The following SV2C variants were observed in gnomAD, a reference collection of about 807,000 sequenced individuals.
The protein encoded by SV2C is synaptic vesicle glycoprotein 2C, also known as solute carrier family 22 member B3.
Under a neutral mutation model 79.7 loss-of-function variants are expected in SV2C, and 49 were observed. The ratio of observed to expected loss-of-function variants is 0.61; its 90% CI spans 0.49 to 0.78. SV2C has a LOEUF of 0.78. Among genes scored for constraint, SV2C ranks in the 30% least tolerant of loss-of-function variants. The pLI is 0.00. For missense variants in SV2C, 833 were observed against 912.9 expected, an observed-to-expected ratio of 0.91 and a Z score of 1.13; for synonymous variants, 334 against 333.2, an observed-to-expected ratio of 1.00 and a Z score of -0.03.
chr5:75,859,537 T>C, the SV2C span, among the ~76,000 whole-genome samples: 1 of 151,184 alleles, frequency 6.6e-6, no homozygotes, highest in Non-Finnish European at 1.5e-5. Flanking sequence ...GGAAAGAGAG[T>C]TTCTGGAGCG....
chr5:75,848,934 G>A, the SV2C span, among the ~76,000 whole-genome samples: 9 of 152,166 alleles, frequency 5.9e-5, no homozygotes, highest in African/African-American at 2.2e-4. Flanking sequence ...ACTCCATATG[G>A]TTGTTTTGAG....
chr5:75,880,982 G>T, the SV2C span, among the ~76,000 whole-genome samples: 25 of 152,278 alleles, frequency 1.6e-4, no homozygotes, highest in African/African-American at 6.0e-4. Flanking sequence ...GGCAGAAGGT[G>T]AAGGGGGAAC....
the SV2C span, among the ~76,000 whole-genome samples, chr5:75,971,946 C>G: frequency 6.6e-6 from 1 of 152,064 alleles, no homozygotes; most frequent in Admixed American, 6.5e-5. Flanking sequence ...CTACAGTAAC[C>G]AAAACAGCAT....
intron 1 of SV2C, among the ~76,000 whole-genome samples, chr5:76,119,348 A>G (rs1748400652): frequency 6.6e-6 from 1 of 152,166 alleles, no homozygotes; most frequent in Non-Finnish European, 1.5e-5. Flanking sequence ...GTTGGATAAC[A>G]AATGACTGAC....
chr5:76,028,581 G>A, the SV2C span, among the ~76,000 whole-genome samples: 18 of 152,254 alleles, frequency 1.2e-4, no homozygotes, highest in Non-Finnish European at 1.8e-4. Context: ...TTCCAGCCCC[G>A]CTTTTGAACT....
intron 2 of SV2C, chr5:76,174,022 T>G: frequency 6.4e-7 from 1 of 1,566,590 alleles, no homozygotes; most frequent in Non-Finnish European, 8.8e-7. Flanking sequence ...TATCCAAGAT[T>G]TCAAGCATAC....
At chr5:76,148,589 A>G (rs984409587) in intron 2 of SV2C, among the ~76,000 whole-genome samples, 1 of 152,092 alleles carries the variant, frequency 6.6e-6, no homozygotes. Context: ...ATCTGGGACT[A>G]TAGGTGCACA....
intron 1 of SV2C, among the ~76,000 whole-genome samples, chr5:76,086,091 C>A (rs1042676423): frequency 3.9e-5 from 6 of 152,186 alleles, no homozygotes; most frequent in African/African-American, 1.4e-4. Flanking sequence ...GACCCAATGA[C>A]AGTGAAAGTA....
At chr5:76,232,705 C>T (rs1745464133) in intron 4 of SV2C, among the ~76,000 whole-genome samples, 1 of 142,526 alleles carries the variant, frequency 7.0e-6, no homozygotes, top group Non-Finnish European at 1.5e-5. Context: ...AATCCTTTCC[C>T]CATTGCTTGT....
chr5:75,895,739 T>G, the SV2C span, among the ~76,000 whole-genome samples: 1 of 152,066 alleles, frequency 6.6e-6, no homozygotes, highest in Non-Finnish European at 1.5e-5. Flanking sequence ...TTCACTCCTG[T>G]CAAGGGTGAT....
chr5:75,937,570 A>G, the SV2C span, among the ~76,000 whole-genome samples: 1 of 152,070 alleles, frequency 6.6e-6, no homozygotes, highest in Non-Finnish European at 1.5e-5. Context: ...TTAGCCCAGC[A>G]TTGTGGCATA....
At chr5:75,962,017 C>T in the SV2C span, among the ~76,000 whole-genome samples, 12 of 152,218 alleles carry the variant, frequency 7.9e-5, no homozygotes, top group Admixed American at 3.9e-4. Flanking sequence ...AACACCTGTT[C>T]CTCTCTGTCA....
At chr5:75,968,969 C>T in the SV2C span, among the ~76,000 whole-genome samples, 6 of 152,160 alleles carry the variant, frequency 3.9e-5, no homozygotes, top group African/African-American at 1.4e-4. Flanking sequence ...AGACTAACAG[C>T]TGATCTCTCG....
chr5:76,353,215 G>T, exon 13 of SV2C: 1 of 375,636 alleles, frequency 2.7e-6, no homozygotes, highest in Non-Finnish European at 5.4e-6. Context: ...AAAGTTCTGG[G>T]ATTACAGTCT....
At chr5:76,247,634 G>T (rs1045937187) in intron 4 of SV2C, among the ~76,000 whole-genome samples, 2 of 152,214 alleles carry the variant, frequency 1.3e-5, no homozygotes, top group Non-Finnish European at 2.9e-5. Flanking sequence ...CAAATGCCAA[G>T]GGGAGGGTAA....
At chr5:75,974,528 A>C in the SV2C span, among the ~76,000 whole-genome samples, 2 of 152,064 alleles carry the variant, frequency 1.3e-5, no homozygotes, top group African/African-American at 4.8e-5. Flanking sequence ...ACTACCCATG[A>C]GTCCTCAGAG....
the SV2C span, among the ~76,000 whole-genome samples, chr5:75,859,597 C>T: frequency 1.7e-4 from 26 of 152,108 alleles, no homozygotes; most frequent in Non-Finnish European, 2.6e-4. Flanking sequence ...GAGCCATGGG[C>T]GGCCTCTGAG....
chr5:75,934,302 CTTTTTTTTTT>C, the SV2C span, among the ~76,000 whole-genome samples: 1 of 107,836 alleles, frequency 9.3e-6, no homozygotes, highest in Non-Finnish European at 1.7e-5. Flanking sequence ...TTCTTTCTTT[CTTTTTTTTTT>C]TTTTTTTCAC....
chr5:76,131,819 GAAAC>G lies in SV2C; in HGVS notation c.75_78del (p.Thr26Ter). The G allele has an allele frequency of 6.2e-7, 1 of 1,614,058 alleles. No homozygotes were observed. The highest frequency in any genetic ancestry group is 8.5e-7 in the Non-Finnish European group (1 of 1,179,980). ...CCAAGGACATTGCCAGAGAGGTGAA[GAAAC>G]AAACAGTAAAGAAGGTGAATCAAGC... On this transcript the variant is annotated frameshift_variant, in exon 2 of 13. Transcript: ENST00000502798. LOFTEE classifies it high-confidence loss of function.
Sources: gnomAD v4.1 joint callset for allele counts (sites outside exome capture counted in the v4.1 genomes callset) on GRCh38, gnomAD v4.1.1 for gene constraint, MANE v1.5 for transcripts, NCBI Gene and HGNC (gene_info 2026-07-23, HGNC 2026-07-21) for gene names.